The following ZDHHC2 variants were observed in gnomAD, a reference collection of about 807,000 sequenced individuals.
ZDHHC2 encodes zDHHC palmitoyltransferase 2, also known as palmitoyltransferase ZDHHC2.
ZDHHC2 carries 51 observed loss-of-function variants against 55.6 expected under a neutral mutation model. That is an observed-to-expected ratio of 0.92 (90% CI 0.73 to 1.16). The LOEUF (loss-of-function observed/expected upper bound fraction) is 1.16, where lower values mean the gene tolerates loss of function less well. Ranked by LOEUF, ZDHHC2 falls within the 50% of genes most tolerant of loss-of-function variation. The pLI is 0.00. For synonymous variants in ZDHHC2, 199 were observed against 152.9 expected (o/e 1.30, Z -2.22); for missense variants, 491 against 442.4 (o/e 1.11, Z -0.99).
At chr8:17,160,954 T>G (rs1408913186) in intron 1 of ZDHHC2, among the ~76,000 whole-genome samples, 1 of 152,186 alleles carries the variant, frequency 6.6e-6, no homozygotes, top group Admixed American at 6.5e-5. Context: ...AATCTTGAGG[T>G]TTTACTCGCA....
At chr8:17,177,997 C>A (rs6587020) in intron 1 of ZDHHC2, among the ~76,000 whole-genome samples, 74,071 of 151,972 alleles carry the variant, frequency 0.49, 20,688 homozygotes, top group East Asian at 0.79. Flanking sequence ...CAATAAAATA[C>A]CCCAAAATCA....
rs761268627 is a variant in ZDHHC2 at position 17,184,833 on chromosome 8, A to C, written c.157+18A>C. 3.3e-6 allele frequency: 5 copies of C among 1,532,496 alleles called. No homozygotes were observed. The highest frequency in any genetic ancestry group is 4.2e-5 in the Admixed American group (2 of 47,428). 94.9% of individuals were successfully genotyped at this position (1,532,496 alleles called of 1,614,324 possible). A position where few individuals can be genotyped will look rare whatever the true frequency, so the allele number is the denominator to read the frequency against. On this transcript the variant is annotated intron_variant, in intron 2 of 12. Coordinates refer to ENST00000262096, the MANE Select transcript of ZDHHC2 (RefSeq NM_016353.5). ...CGAACAAGGTAAGCTAGATTATATT[A>C]ATGTTATAGATTTTTTAAATAGTTT...
At chr8:17,170,239 C>G (rs907144405) in intron 1 of ZDHHC2, among the ~76,000 whole-genome samples, 1 of 152,054 alleles carries the variant, frequency 6.6e-6, no homozygotes, top group Non-Finnish European at 1.5e-5. Context: ...TCTCAGTGAC[C>G]CAATACTGAA....
At chr8:17,183,698 C>T (rs1805551298) in intron 1 of ZDHHC2, among the ~76,000 whole-genome samples, 1 of 152,000 alleles carries the variant, frequency 6.6e-6, no homozygotes, top group Non-Finnish European at 1.5e-5. Flanking sequence ...CTGTTTGTTG[C>T]TATGGTTTGG....
intron 3 of ZDHHC2, among the ~76,000 whole-genome samples, chr8:17,190,830 G>A (rs377383372): frequency 4.6e-5 from 7 of 151,412 alleles, no homozygotes; most frequent in Admixed American, 1.3e-4. Context: ...GTTACCACAA[G>A]CATTTGTATT....
rs1340832343 is a variant in ZDHHC2, at chr8:17,181,809, GTC to G, written c.131-2976_131-2975del. ...ACCATCTATATTGTTTCAAAAATGA[GTC>G]TCTATTTTTCATATGTTATCTTTAT... On this transcript the variant is annotated intron_variant, in intron 1 of 12. Transcript: ENST00000262096. 1.3e-5 allele frequency among the ~76,000 whole-genome samples: 2 copies of G among 152,176 alleles called. 1 individual carries two copies. The highest frequency in any genetic ancestry group is 3.9e-4 in the East Asian group (2 of 5,176).
chr8:17,218,826 C>G (rs1371852029), intron 12 of ZDHHC2, among the ~76,000 whole-genome samples: 6 of 152,140 alleles, frequency 3.9e-5, no homozygotes, highest in African/African-American at 1.4e-4. Context: ...TAAACTTTCC[C>G]TAAAGTAGCT....
At chr8:17,181,305 G>A (rs1384279995) in intron 1 of ZDHHC2, among the ~76,000 whole-genome samples, 1 of 152,150 alleles carries the variant, frequency 6.6e-6, no homozygotes, top group Non-Finnish European at 1.5e-5. Context: ...CTTTAATGAG[G>A]AATTAATTTT....
At chr8:17,206,607 C>G (rs1001141812) in intron 7 of ZDHHC2, among the ~76,000 whole-genome samples, 3 of 152,188 alleles carry the variant, frequency 2.0e-5, no homozygotes, top group East Asian at 1.9e-4. Context: ...ACTATCATGC[C>G]TATAATGTCC....
At chr8:17,189,387 C>G (rs1251973543) in intron 3 of ZDHHC2, among the ~76,000 whole-genome samples, 1 of 152,076 alleles carries the variant, frequency 6.6e-6, no homozygotes, top group Non-Finnish European at 1.5e-5. Context: ...TTGTTGAATA[C>G]TTTTGAAAAT....
At chr8:17,175,928 G>C (rs1238140907) in intron 1 of ZDHHC2, among the ~76,000 whole-genome samples, 2 of 152,200 alleles carry the variant, frequency 1.3e-5, no homozygotes, top group Non-Finnish European at 2.9e-5. Flanking sequence ...CTAAGGTTTG[G>C]TGTGTTTTTG....
At chr8:17,194,256 C>A (rs1228280732) in intron 3 of ZDHHC2, among the ~76,000 whole-genome samples, 1 of 151,436 alleles carries the variant, frequency 6.6e-6, no homozygotes, top group Non-Finnish European at 1.5e-5. Context: ...ATAGTAGATT[C>A]TTTCACTGAC....
chr8:17,188,405 A>G (rs1213667520), intron 3 of ZDHHC2, among the ~76,000 whole-genome samples: 4 of 152,108 alleles, frequency 2.6e-5, no homozygotes, highest in African/African-American at 9.7e-5. Flanking sequence ...CTGACTTTAT[A>G]CTTTATACTC....
intron 12 of ZDHHC2, among the ~76,000 whole-genome samples, chr8:17,218,582 A>G (rs1395940928): frequency 6.6e-6 from 1 of 152,192 alleles, no homozygotes; most frequent in Non-Finnish European, 1.5e-5. Flanking sequence ...CACCTTGCAC[A>G]ATGCCAGACA....
At chr8:17,215,871 G>T (rs1426324681) in intron 11 of ZDHHC2, among the ~76,000 whole-genome samples, 1 of 152,134 alleles carries the variant, frequency 6.6e-6, no homozygotes, top group Admixed American at 6.6e-5. Flanking sequence ...TCTTCAGTCA[G>T]TGTAGTTTGT....
chr8:17,211,688 T>C (rs565718324), intron 10 of ZDHHC2, among the ~76,000 whole-genome samples: 1 of 152,160 alleles, frequency 6.6e-6, no homozygotes, highest in South Asian at 2.1e-4. Flanking sequence ...TGAAAGGTAT[T>C]TGTCACCCCA....
At position 17,156,804 on chromosome 8, in the gene ZDHHC2, C is replaced by T. The variant is rs1201069748; in HGVS notation, c.81C>T (p.Thr27=). 8.5e-6 allele frequency: 13 copies of T among 1,522,472 alleles called. No individual in the cohort carries two copies. In the South Asian group the frequency reaches 8.6e-5, roughly 10 times the overall value. The allele number at this position is 1,522,472 out of a possible 1,614,324, so 94.3% of individuals were successfully genotyped here. The change falls in exon 1 of 13, where the codon ACC becomes ACT. Residue 27 remains threonine (T), a synonymous_variant. Coordinates refer to ENST00000262096, the MANE Select transcript of ZDHHC2 (RefSeq NM_016353.5). The part of the protein sequence containing the change: ...VLYWIPVVFI[T]LLLGWSYYAY... Reference sequence around the variant, plus strand: ...ACTGGATCCCGGTGGTGTTCATCACCCTCCTGCTCGGCTGGTCCTACTACG... The same window carrying T: ...ACTGGATCCCGGTGGTGTTCATCACTCTCCTGCTCGGCTGGTCCTACTACG...
intron 1 of ZDHHC2, among the ~76,000 whole-genome samples, chr8:17,182,857 G>C (rs1244357786): frequency 6.6e-6 from 1 of 152,120 alleles, no homozygotes; most frequent in Non-Finnish European, 1.5e-5. Context: ...TGCCTCCCGG[G>C]TTCAAGCGAT....
Position 17,222,366 on chromosome 8 carries a change from AATAG to A in ZDHHC2, c.*2148_*2151del, listed in dbSNP as rs1166275497. The A allele has an allele frequency of 2.6e-5, 4 of 151,668 alleles. No individual in the cohort carries two copies. Among genetic ancestry groups the A allele is most frequent in the Non-Finnish European group, 5.9e-5 (4 of 67,742 alleles). The allele number at this position is 151,668 out of a possible 1,614,324, so 9.4% of individuals were successfully genotyped here. A position where few individuals can be genotyped will look rare whatever the true frequency, so the allele number is the denominator to read the frequency against. On this transcript the variant is annotated 3_prime_UTR_variant, in exon 13 of 13. Coordinates refer to ENST00000262096, the MANE Select transcript of ZDHHC2 (RefSeq NM_016353.5). ...ATCTGAGTGAACAAAGTGCTAAATAAATAGATCTACATTTTGTACATATTTATAT... is the reference window on the plus strand; with the variant it reads ...ATCTGAGTGAACAAAGTGCTAAATAAATCTACATTTTGTACATATTTATAT...
Sources: allele counts gnomAD v4.1 joint callset (sites outside exome capture counted in the v4.1 genomes callset), GRCh38; gene constraint gnomAD v4.1.1; transcripts MANE v1.5; gene names NCBI Gene and HGNC (gene_info 2026-07-23, HGNC 2026-07-21).